ZNF626: variants seen among roughly 807,000 people sequenced by gnomAD.
ZNF626 encodes the protein zinc finger protein 626.
Under a neutral mutation model 11.7 loss-of-function variants are expected in ZNF626, and 4 were observed. The ratio of observed to expected loss-of-function variants is 0.34; its 90% confidence interval spans 0.17 to 0.78. The LOEUF (loss-of-function observed/expected upper bound fraction) is 0.78, where lower values mean the gene tolerates loss of function less well. Among genes scored for constraint, ZNF626 ranks in the 30% least tolerant of loss-of-function variants. The pLI, the probability that ZNF626 is intolerant of heterozygous loss-of-function variation, is 0.57. For synonymous variants in ZNF626, 179 were observed against 198.6 expected, an observed-to-expected ratio of 0.90 and a Z score of 0.83; for missense variants, 588 against 587.1, an observed-to-expected ratio of 1.00 and a Z score of -0.01.
At chr19:20,660,272 C>T (rs1245645939) in intron 1 of ZNF626, among the ~76,000 whole-genome samples, 1 of 149,668 alleles carries the variant, frequency 6.7e-6, no homozygotes, top group Non-Finnish European at 1.5e-5. Flanking sequence ...AAAAAAATAC[C>T]CTGTTGCAGG....
chr19:20,659,529 T>C (rs572724535), intron 1 of ZNF626, among the ~76,000 whole-genome samples: 27 of 152,066 alleles, frequency 1.8e-4, no homozygotes, highest in Non-Finnish European at 3.4e-4. Context: ...GCCTGAGCCA[T>C]GGCGCTCAGC....
At chr19:20,652,889 C>G (rs1324362980) in intron 1 of ZNF626, among the ~76,000 whole-genome samples, 1 of 152,144 alleles carries the variant, frequency 6.6e-6, no homozygotes, top group Non-Finnish European at 1.5e-5. Flanking sequence ...TACATGTCTA[C>G]TCACTACACA....
At chr19:20,629,206 T>C (rs1325973799) in intron 3 of ZNF626, among the ~76,000 whole-genome samples, 1 of 152,174 alleles carries the variant, frequency 6.6e-6, no homozygotes, top group Non-Finnish European at 1.5e-5. Flanking sequence ...TAGTTTGAAG[T>C]CAGGTAGTGT....
At chr19:20,630,598 T>C (rs1364879014) in intron 3 of ZNF626, among the ~76,000 whole-genome samples, 2 of 152,122 alleles carry the variant, frequency 1.3e-5, no homozygotes, top group Admixed American at 6.5e-5. Flanking sequence ...TGATGGTAGT[T>C]TGTATTTCTG....
At chr19:20,651,358 T>C (rs1425689097) in intron 1 of ZNF626, among the ~76,000 whole-genome samples, 1 of 151,458 alleles carries the variant, frequency 6.6e-6, no homozygotes, top group African/African-American at 2.4e-5. Context: ...ATTTATCTAG[T>C]TGCTAGTCTA....
At chr19:20,643,153 T>G (rs1183375608) in intron 3 of ZNF626, among the ~76,000 whole-genome samples, 1 of 152,188 alleles carries the variant, frequency 6.6e-6, no homozygotes, top group East Asian at 1.9e-4. Flanking sequence ...TATAAATAGA[T>G]TCTAATGAGA....
rs550742413 is a variant in ZNF626 at position 20,622,693 on chromosome 19, C to T, written c.*1597G>A. On this transcript the variant is annotated 3_prime_UTR_variant, in exon 4 of 4. Transcript: ENST00000601440. ...AAAGTTATATACTAATTTATACAAA[C>T]TTATATACAAATTTAACAACTTTAG... 1 of 152,280 alleles carries T rather than the reference C, an allele frequency of 6.6e-6. No individual in the cohort carries two copies. The highest frequency in any genetic ancestry group is 2.4e-5 in the African/African-American group (1 of 41,568). The allele number at this position is 152,280 out of a possible 1,614,324, so 9.4% of individuals were successfully genotyped here. A position where few individuals can be genotyped will look rare whatever the true frequency, so the allele number is the denominator to read the frequency against.
At position 20,646,317 on chromosome 19, in the gene ZNF626, T is replaced by C. The variant is rs1555771902; in HGVS notation, c.92A>G (p.Asn31Ser). 6.2e-7 allele frequency: 1 copy of C among 1,614,118 alleles called. No homozygotes were observed. The highest frequency in any genetic ancestry group is 1.1e-5 in the South Asian group (1 of 91,074). Residue 31 changes from asparagine (N) to serine (S), a missense_variant, in exon 2 of 4, where the codon AAT becomes AGT. By Grantham distance (46) the Asn-to-Ser change is conservative. Around this residue, in one of 4 missense-constraint regions of ZNF626, gnomAD observed 524 missense variants for 470.1 expected, o/e 1.11. Transcript: ENST00000601440. ...GTTACTGTAGTTCTCTAACATCACA[T>C]TCCTATATAAATTCCGCTGTGCAGT... ...LDTAQRNLYR[N>S]VMLENYSNLV... is the part of the protein sequence containing the mutation.
intron 3 of ZNF626, chr19:20,644,677 G>GAAAT (rs1194332981): frequency 6.6e-6 from 1 of 151,946 alleles, no homozygotes; most frequent in Non-Finnish European, 1.5e-5. Context: ...ATTAGTCAAA[G>GAAAT]AAATAAATAA....
At chr19:20,627,326 TGAA>T (rs10603681) in intron 3 of ZNF626, among the ~76,000 whole-genome samples, 67,795 of 151,526 alleles carry the variant, frequency 0.45, 16,388 homozygotes, top group African/African-American at 0.64. Flanking sequence ...GATGTAATGA[TGAA>T]GAATTTTTGT....
chr19:20,638,229 C>T (rs1489505147), intron 3 of ZNF626, among the ~76,000 whole-genome samples: 2 of 152,046 alleles, frequency 1.3e-5, no homozygotes, highest in Non-Finnish European at 2.9e-5. Context: ...TCAAGACCAG[C>T]CTGGCCAACA....
Position 20,621,387 on chromosome 19 carries a change from C to G in ZNF626, c.*2903G>C, listed in dbSNP as rs1467377146. On this transcript the variant is annotated 3_prime_UTR_variant, in exon 4 of 4. Coordinates refer to ENST00000601440, the MANE Select transcript of ZNF626 (RefSeq NM_001076675.3). ...CTGCCCGACGTCGCCTACCAAAGTG[C>G]TGGGATTACAGGCATGAGCCACTGC... 6.6e-6 allele frequency: 1 copy of G among 152,142 alleles called. No homozygotes were observed. The highest frequency in any genetic ancestry group is 1.9e-4 in the East Asian group (1 of 5,184). 9.4% of individuals were successfully genotyped at this position (152,142 alleles called of 1,614,324 possible). A position where few individuals can be genotyped will look rare whatever the true frequency, so the allele number is the denominator to read the frequency against.
chr19:20,629,890 G>A (rs201467882), intron 3 of ZNF626, among the ~76,000 whole-genome samples: 10 of 152,104 alleles, frequency 6.6e-5, no homozygotes, highest in South Asian at 2.1e-4. Flanking sequence ...GTTTTTGCCC[G>A]TTCAGTATGA....
rs1969744546 is a variant in ZNF626, at chr19:20,620,450, C to A, written c.*3840G>T. On this transcript the variant is annotated 3_prime_UTR_variant, in exon 4 of 4. Coordinates refer to ENST00000601440, the MANE Select transcript of ZNF626 (RefSeq NM_001076675.3). ...TCTTCAGAGGAATATGTGTATATTT[C>A]ACTCTATGAAAATTAAAAGTCTTTA... 6.6e-6 allele frequency: 1 copy of A among 152,172 alleles called. No homozygotes were observed. Among genetic ancestry groups the A allele is most frequent in the African/African-American group, 2.4e-5 (1 of 41,434 alleles). The allele number at this position is 152,172 out of a possible 1,614,324, so 9.4% of individuals were successfully genotyped here. A position where few individuals can be genotyped will look rare whatever the true frequency, so the allele number is the denominator to read the frequency against.
At chr19:20,639,652 A>G (rs2144778316) in intron 3 of ZNF626, among the ~76,000 whole-genome samples, 2 of 152,344 alleles carry the variant, frequency 1.3e-5, no homozygotes, top group East Asian at 3.9e-4. Flanking sequence ...TAAAAGGATC[A>G]CTTGAGCCCA....
At chr19:20,660,715 CCAGCA>C (rs1555773595) in intron 1 of ZNF626, among the ~76,000 whole-genome samples, 1 of 152,030 alleles carries the variant, frequency 6.6e-6, no homozygotes, top group Admixed American at 6.6e-5. Context: ...GCCACCGCGC[CCAGCA>C]AGAAAGGGGT....
In ZNF626 at chr19:20,624,173, C is replaced by T. The variant is rs781853713; in HGVS notation, c.*117G>A. On this transcript the variant is annotated 3_prime_UTR_variant, in exon 4 of 4. Coordinates refer to ENST00000601440, the MANE Select transcript of ZNF626 (RefSeq NM_001076675.3). Reference sequence around the variant, plus strand: ...GAGTGCTTAAAGGCTTTGCCACATTCTTCACATCTGTAGGGTTTTTTTCCA... The same window carrying T: ...GAGTGCTTAAAGGCTTTGCCACATTTTTCACATCTGTAGGGTTTTTTTCCA... 14 of 1,546,738 alleles carry T rather than the reference C, an allele frequency of 9.1e-6. No individual in the cohort carries two copies. In the African/African-American group the frequency reaches 1.8e-4, roughly 20 times the overall value.
At chr19:20,655,883 C>T (rs566045083) in intron 1 of ZNF626, among the ~76,000 whole-genome samples, 246 of 151,184 alleles carry the variant, frequency 1.6e-3, no homozygotes, top group African/African-American at 5.6e-3. Context: ...TGCAGTGAGC[C>T]GAGATCGCGC....
chr19:20,637,484 C>CAA lies in ZNF626; in HGVS notation c.226+8198_226+8199dup, dbSNP rs35325493. Among the ~76,000 whole-genome samples, 333 of 121,836 alleles carry CAA rather than the reference C, an allele frequency of 2.7e-3. 1 individual carries two copies. The highest frequency in any genetic ancestry group is 4.5e-3 in the Middle Eastern group (1 of 222). The allele number at this position is 121,836 out of a possible 152,430, so 79.9% of individuals were successfully genotyped here. On this transcript the variant is annotated intron_variant, in intron 3 of 3. Transcript: ENST00000601440. Reference sequence around the variant, plus strand: ...TGGACAACAGAGTGACACTCTGTCTCAAAAAAAAAAAAAAAATTCTGCCTA... The same window carrying CAA: ...TGGACAACAGAGTGACACTCTGTCTCAAAAAAAAAAAAAAAAAATTCTGCCTA...
Sources: gnomAD v4.1 joint callset for allele counts (sites outside exome capture counted in the v4.1 genomes callset) on GRCh38, gnomAD v4.1.1 for gene constraint, gnomAD v4.1.1 regional missense constraint, MANE v1.5 for transcripts, NCBI Gene and HGNC (gene_info 2026-07-23, HGNC 2026-07-21) for gene names.